The following PHF20 variants were observed in gnomAD, a reference collection of about 807,000 sequenced individuals.
PHF20 encodes glioma-expressed antigen 2.
In PHF20, 23 loss-of-function variants were observed where a neutral mutation model predicts 113.5. That is an observed-to-expected ratio of 0.20 (90% CI 0.15 to 0.29). The LOEUF (loss-of-function observed/expected upper bound fraction) is 0.29. Ranked by LOEUF, PHF20 falls within the 10% of genes least tolerant of loss-of-function variation. The pLI, the probability that PHF20 is intolerant of heterozygous loss-of-function variation, is 1.00. For synonymous variants in PHF20, 434 were observed against 457.3 expected (o/e 0.95, Z 0.65); for missense variants, 943 against 1,219.6 (o/e 0.77, Z 3.38).
At chr20:35,812,447 C>T (rs1483992451) in intron 2 of PHF20, among the ~76,000 whole-genome samples, 3 of 152,164 alleles carry the variant, frequency 2.0e-5, no homozygotes, top group Non-Finnish European at 4.4e-5. Flanking sequence ...TTCCCCTTCA[C>T]AACATTATTT....
At chr20:35,839,976 G>A (rs941699112) in intron 2 of PHF20, among the ~76,000 whole-genome samples, 5 of 152,166 alleles carry the variant, frequency 3.3e-5, no homozygotes, top group African/African-American at 1.2e-4. Context: ...ACTGCAATAA[G>A]TTAATGCCAA....
At chr20:35,927,962 C>T (rs533171253) in intron 14 of PHF20, 83 bp downstream of exon 14, 35 of 956,756 alleles carry the variant, frequency 3.7e-5, no homozygotes, top group South Asian at 2.5e-4. Context: ...TAAATGTCTG[C>T]GGTCTTGAGA....
At chr20:35,900,022 A>G (rs565661048) in intron 10 of PHF20, among the ~76,000 whole-genome samples, 2 of 152,318 alleles carry the variant, frequency 1.3e-5, no homozygotes, top group East Asian at 3.9e-4. Flanking sequence ...GCAGCACAAA[A>G]GAGCACGATA....
chr20:35,892,085 T>C (rs2054881246), intron 9 of PHF20, among the ~76,000 whole-genome samples: 1 of 151,642 alleles, frequency 6.6e-6, no homozygotes. Context: ...CGGGGGACAG[T>C]CTCGTTCTTT....
Position 35,899,668 on chromosome 20 carries a change from A to G in PHF20, c.1561+20A>G. 1 of 1,611,822 alleles carries G rather than the reference A, an allele frequency of 6.2e-7. No homozygotes were observed. The highest frequency in any genetic ancestry group is 8.5e-7 in the Non-Finnish European group (1 of 1,178,842). On this transcript the variant is annotated intron_variant, in intron 10 of 17. Transcript: ENST00000374012. ...CCCCAAGTAAGTATCTTCATTCTTC[A>G]TTGTGTCATGGATGGCTCAGTTGCT...
chr20:35,926,817 C>G (rs559831845), intron 13 of PHF20, among the ~76,000 whole-genome samples: 1 of 152,294 alleles, frequency 6.6e-6, no homozygotes, highest in African/African-American at 2.4e-5. Flanking sequence ...TCCCTTGTGG[C>G]CAGGCTGGTG....
At chr20:35,789,713 A>AT (rs1420521573) in intron 1 of PHF20, among the ~76,000 whole-genome samples, 1 of 149,472 alleles carries the variant, frequency 6.7e-6, no homozygotes, top group African/African-American at 2.5e-5. Context: ...TGCCTGGCTA[A>AT]TTTTTTATAT....
At chr20:35,844,423 T>G (rs554213841) in intron 3 of PHF20, among the ~76,000 whole-genome samples, 52 of 150,062 alleles carry the variant, frequency 3.5e-4, no homozygotes, top group South Asian at 8.4e-4. Flanking sequence ...TTTGGTTTTT[T>G]TTTTTTTTGA....
intron 1 of PHF20, among the ~76,000 whole-genome samples, chr20:35,783,678 G>A (rs1438982005): frequency 2.0e-5 from 3 of 151,072 alleles, no homozygotes; most frequent in African/African-American, 4.9e-5. Flanking sequence ...CTCCTGCCTC[G>A]GCCTTCCAAA....
intron 2 of PHF20, among the ~76,000 whole-genome samples, chr20:35,840,167 G>T (rs1337896155): frequency 6.6e-6 from 1 of 152,144 alleles, no homozygotes; most frequent in South Asian, 2.1e-4. Context: ...AATACAGATA[G>T]AATGTAAACT....
intron 13 of PHF20, among the ~76,000 whole-genome samples, chr20:35,925,919 G>A (rs999333118): frequency 1.3e-5 from 2 of 151,686 alleles, no homozygotes; most frequent in South Asian, 2.1e-4. Flanking sequence ...TTATGAGATC[G>A]AGACCATTCT....
intron 6 of PHF20, among the ~76,000 whole-genome samples, chr20:35,866,335 C>T (rs925998414): frequency 6.6e-6 from 1 of 152,210 alleles, no homozygotes. Flanking sequence ...AGAGAAGCCA[C>T]AATACCCAAG....
chr20:35,772,835 C>G (rs1317152035), intron 1 of PHF20, among the ~76,000 whole-genome samples: 1 of 152,164 alleles, frequency 6.6e-6, no homozygotes, highest in Non-Finnish European at 1.5e-5. Flanking sequence ...CTTGTATCCC[C>G]TCTACTCCAA....
intron 10 of PHF20, among the ~76,000 whole-genome samples, chr20:35,904,377 G>A (rs775898704): frequency 4.1e-5 from 6 of 146,228 alleles, no homozygotes; most frequent in African/African-American, 5.1e-5. Flanking sequence ...CTCTGCCTTC[G>A]GGGTTCAAGC....
intron 2 of PHF20, among the ~76,000 whole-genome samples, chr20:35,815,257 T>C (rs1240183982): frequency 6.6e-6 from 1 of 151,802 alleles, no homozygotes; most frequent in Non-Finnish European, 1.5e-5. Context: ...TAACATAGAA[T>C]ATGCATGGTG....
chr20:35,945,348 C>T (rs1350826638), intron 17 of PHF20, among the ~76,000 whole-genome samples: 3 of 152,178 alleles, frequency 2.0e-5, no homozygotes, highest in East Asian at 3.8e-4. Context: ...CAAATCATCC[C>T]ATTACCTGTA....
intron 9 of PHF20, among the ~76,000 whole-genome samples, chr20:35,894,634 C>T (rs7269088): frequency 0.058 from 8,892 of 152,252 alleles, 414 homozygotes; most frequent in African/African-American, 0.13. Flanking sequence ...ACTTATGTGC[C>T]GTACACCTTT....
Position 35,941,008 on chromosome 20 carries a change from G to C in PHF20, c.2857G>C (p.Val953Leu). 2 of 1,614,170 alleles carry C rather than the reference G, an allele frequency of 1.2e-6. No homozygotes were observed. The highest frequency in any genetic ancestry group is 1.7e-6 in the Non-Finnish European group (2 of 1,180,020). Residue 953 changes from valine to leucine, a missense_variant, in exon 17 of 18, where the codon GTT becomes CTT. Transcript: ENST00000374012. ...LTHVESLQDE[V>L]THRMDSIEKE... Reference sequence around the variant, plus strand: ...CCATGTGGAATCTCTTCAGGATGAAGTTACGCACAGGATGGACTCCATTGA... The same window carrying C: ...CCATGTGGAATCTCTTCAGGATGAACTTACGCACAGGATGGACTCCATTGA...
chr20:35,873,881 T>C lies in PHF20; in HGVS notation c.1282+2052T>C, dbSNP rs148266265. Among the ~76,000 whole-genome samples the C allele has an allele frequency of 1.7e-4, 26 of 152,386 alleles. No individual in the cohort carries two copies. In the East Asian group the frequency reaches 4.0e-3, roughly 24 times the overall value. ...ACTTAGAGTTAATATTTAACCACTT[T>C]ATGTAAAAATGTTCCATTAACCTCC... On this transcript the variant is annotated intron_variant, in intron 9 of 17. Transcript: ENST00000374012.
Sources: allele counts gnomAD v4.1 joint callset (sites outside exome capture counted in the v4.1 genomes callset), GRCh38; gene constraint gnomAD v4.1.1; transcripts MANE v1.5; gene names NCBI Gene and HGNC (gene_info 2026-07-23, HGNC 2026-07-21).